MYO16: variants seen among roughly 807,000 people sequenced by gnomAD.
MYO16 encodes the protein unconventional myosin-XVI.
In MYO16, 94 loss-of-function variants were observed where a neutral mutation model predicts 205.3. The ratio of observed to expected loss-of-function variants is 0.46; its 90% CI spans 0.39 to 0.54. The LOEUF is 0.54. Ranked by LOEUF, MYO16 falls within the 20% of genes least tolerant of loss-of-function variation. The pLI is 0.00. For missense variants in MYO16, 2,315 were observed against 2,387.5 expected (o/e 0.97, Z 0.63); for synonymous variants, 988 against 954.0 (o/e 1.04, Z -0.66).
chr13:109,001,181 T>TAAA (rs111881859), intron 21 of MYO16, among the ~76,000 whole-genome samples: 4 of 137,224 alleles, frequency 2.9e-5, no homozygotes, highest in Non-Finnish European at 3.2e-5. Flanking sequence ...ATAAAAAATT[T>TAAA]AAAAAAAAAA....
intron 4 of MYO16, among the ~76,000 whole-genome samples, chr13:108,756,939 A>C (rs989307773): frequency 3.3e-5 from 5 of 152,206 alleles, no homozygotes; most frequent in African/African-American, 1.2e-4. Context: ...GGGATGGCTT[A>C]ATACGACAAC....
At chr13:108,584,017 G>A in the MYO16 span, among the ~76,000 whole-genome samples, 1 of 152,224 alleles carries the variant, frequency 6.6e-6, no homozygotes, top group African/African-American at 2.4e-5. Flanking sequence ...GCAGTGGCAC[G>A]ATCTTGGCTC....
upstream of MYO16, among the ~76,000 whole-genome samples, chr13:108,627,772 A>G (rs149937153): frequency 1.2e-4 from 19 of 152,274 alleles, no homozygotes; most frequent in African/African-American, 4.3e-4. Flanking sequence ...GCTTTTTTTC[A>G]GTTTAAAGAG....
upstream of MYO16, among the ~76,000 whole-genome samples, chr13:108,627,058 T>C (rs1264868760): frequency 6.7e-6 from 1 of 149,824 alleles, no homozygotes; most frequent in Admixed American, 6.7e-5. Flanking sequence ...GGGATGGATA[T>C]AGAGGAGGAA....
At chr13:109,166,126 C>T (rs1594149566) in intron 33 of MYO16, among the ~76,000 whole-genome samples, 4 of 152,122 alleles carry the variant, frequency 2.6e-5, no homozygotes, top group Admixed American at 6.5e-5. Context: ...AAAGCAGAGA[C>T]GGCAGCCAAT....
intron 1 of MYO16, among the ~76,000 whole-genome samples, chr13:108,603,452 T>C (rs1305446796): frequency 6.6e-6 from 1 of 152,222 alleles, no homozygotes; most frequent in South Asian, 2.1e-4. Context: ...TATACAACTT[T>C]GGTTTTTTAT....
At chr13:108,715,167 C>T (rs551794705) in intron 3 of MYO16, among the ~76,000 whole-genome samples, 2 of 152,326 alleles carry the variant, frequency 1.3e-5, no homozygotes, top group South Asian at 2.1e-4. Context: ...CTGCTGACAC[C>T]GGCCACCTTG....
chr13:108,839,024 G>T (rs112261816), intron 9 of MYO16, among the ~76,000 whole-genome samples: 1 of 152,114 alleles, frequency 6.6e-6, no homozygotes, highest in African/African-American at 2.4e-5. Flanking sequence ...TAATTTATAA[G>T]AAATGAAAGG....
chr13:109,186,613 C>A (rs946171367), intron 34 of MYO16, among the ~76,000 whole-genome samples: 1 of 151,936 alleles, frequency 6.6e-6, no homozygotes, highest in Non-Finnish European at 1.5e-5. Flanking sequence ...CTTTTCAACA[C>A]ACACACACAC....
At position 108,932,880 on chromosome 13, in the gene MYO16, G is replaced by T. The variant is rs372022770; in HGVS notation, c.1925+22730G>T. 1.4e-4 allele frequency among the ~76,000 whole-genome samples: 22 copies of T among 152,196 alleles called. No individual in the cohort carries two copies. The East Asian group carries it at 3.9e-3, about 27-fold the overall frequency. The stretch of plus-strand genomic sequence containing the variant: ...CTGAGAATCAGGTGGCAGTCTGTGG[G>T]GGGCCCATGGACTGTCCCTTACTTC... On this transcript the variant is annotated intron_variant, in intron 16 of 34. Coordinates refer to ENST00000457511, the MANE Select transcript of MYO16 (RefSeq NM_001198950.3).
At position 109,207,411 on chromosome 13, in the gene MYO16, A is replaced by T. The variant is rs1378267897; in HGVS notation, c.*575A>T. The stretch of plus-strand genomic sequence containing the variant: ...GATTTTAAAAAATCATTTCTAGATT[A>T]TTTTTTTCCTCCACAGTCCTTTTTT... On this transcript the variant is annotated 3_prime_UTR_variant, in exon 35 of 35. Transcript: ENST00000457511. The T allele has an allele frequency of 6.6e-6, 1 of 151,942 alleles. No individual in the cohort carries two copies. Among genetic ancestry groups the T allele is most frequent in the East Asian group, 1.9e-4 (1 of 5,190 alleles). The allele number at this position is 151,942 out of a possible 1,614,324, so 9.4% of individuals were successfully genotyped here.
At chr13:108,670,452 G>A (rs1254695323) in intron 2 of MYO16, among the ~76,000 whole-genome samples, 1 of 152,166 alleles carries the variant, frequency 6.6e-6, no homozygotes, top group African/African-American at 2.4e-5. Flanking sequence ...GTATGAACCT[G>A]TGGTTATTCT....
At chr13:109,095,704 G>C (rs543990605) in intron 27 of MYO16, among the ~76,000 whole-genome samples, 263 of 152,222 alleles carry the variant, frequency 1.7e-3, no homozygotes, top group Non-Finnish European at 3.3e-3. Context: ...CAAATTTCCA[G>C]AATGAGACAA....
At chr13:108,499,719 T>G in the MYO16 span, among the ~76,000 whole-genome samples, 1 of 152,206 alleles carries the variant, frequency 6.6e-6, no homozygotes, top group African/African-American at 2.4e-5. Flanking sequence ...AAACTTTAAG[T>G]GGTAGGATCA....
At chr13:108,771,328 GC>G (rs1885957061) in intron 4 of MYO16, among the ~76,000 whole-genome samples, 1 of 152,100 alleles carries the variant, frequency 6.6e-6, no homozygotes, top group Admixed American at 6.5e-5. Flanking sequence ...TATGTGAGAT[GC>G]CATCATTTAT....
In MYO16 at chr13:109,013,108, T is replaced by TCCCC. The variant is rs1177754621; in HGVS notation, c.2595+4061_2595+4064dup. ...TAGGTATTTCTCCTAATGCTACCCCTCCCCCACCCCCCCCCACCCCACCAC... is the reference window on the plus strand; with the variant it reads ...TAGGTATTTCTCCTAATGCTACCCCTCCCCCCCCCACCCCCCCCCACCCCACCAC... On this transcript the variant is annotated intron_variant, in intron 22 of 34. Transcript: ENST00000457511. Among the ~76,000 whole-genome samples, 299 of 32,602 alleles carry TCCCC rather than the reference T, an allele frequency of 9.2e-3. 7 individuals are homozygous for TCCCC. Among genetic ancestry groups the TCCCC allele is most frequent in the Middle Eastern group, 0.036 (2 of 56 alleles). 21.4% of individuals were successfully genotyped at this position (32,602 alleles called of 152,430 possible).
At chr13:108,923,600 G>C (rs965518357) in intron 16 of MYO16, among the ~76,000 whole-genome samples, 1 of 152,224 alleles carries the variant, frequency 6.6e-6, no homozygotes, top group African/African-American at 2.4e-5. Context: ...ACCCACCTCG[G>C]TGTGGGGCCC....
chr13:109,057,595 G>A (rs532280771), intron 27 of MYO16, among the ~76,000 whole-genome samples: 3 of 152,076 alleles, frequency 2.0e-5, no homozygotes, highest in South Asian at 2.1e-4. Context: ...CTGGTCCCTC[G>A]GTGGATATCC....
intron 3 of MYO16, among the ~76,000 whole-genome samples, chr13:108,715,606 A>G (rs576907563): frequency 3.9e-5 from 6 of 152,342 alleles, no homozygotes; most frequent in Non-Finnish European, 7.3e-5. Context: ...CTACTTAATT[A>G]ATATCTGACA....
Sources: gnomAD v4.1 joint callset for allele counts (sites outside exome capture counted in the v4.1 genomes callset) on GRCh38, gnomAD v4.1.1 for gene constraint, MANE v1.5 for transcripts, NCBI Gene and HGNC (gene_info 2026-07-23, HGNC 2026-07-21) for gene names.